Variants in PAN3 observed in about 807,000 individuals in gnomAD.
PAN3 encodes the protein poly(A) specific ribonuclease subunit PAN3, also known as PAN2-PAN3 deadenylation complex subunit PAN3.
Under a neutral mutation model 96.2 loss-of-function variants are expected in PAN3, and 19 were observed. That is an observed-to-expected ratio of 0.20 (90% confidence interval 0.14 to 0.29). The LOEUF is 0.29. PAN3 is among the 10% of genes least tolerant of loss of function. The pLI, the probability that PAN3 is intolerant of heterozygous loss-of-function variation, is 1.00. For synonymous variants in PAN3, 433 were observed against 406.6 expected (o/e 1.06, Z -0.78); for missense variants, 882 against 1,108.1 (o/e 0.80, Z 2.90).
intron 17 of PAN3, among the ~76,000 whole-genome samples, chr13:28,284,501 A>C (rs577470334): frequency 4.0e-5 from 6 of 150,572 alleles, no homozygotes; most frequent in African/African-American, 1.2e-4. Flanking sequence ...GCCTCTTTCT[A>C]CTCCAAGATT....
At chr13:28,220,704 A>G (rs1282429974) in intron 6 of PAN3, among the ~76,000 whole-genome samples, 2 of 152,162 alleles carry the variant, frequency 1.3e-5, no homozygotes, top group Non-Finnish European at 2.9e-5. Flanking sequence ...CAAACTTACA[A>G]AGGCATCAGA....
At chr13:28,231,243 TTAA>T (rs1200407554) in intron 6 of PAN3, among the ~76,000 whole-genome samples, 2 of 152,000 alleles carry the variant, frequency 1.3e-5, no homozygotes, top group Admixed American at 1.3e-4. Flanking sequence ...ATTTGTTAAA[TTAA>T]TTAATGACAG....
intron 6 of PAN3, among the ~76,000 whole-genome samples, chr13:28,254,379 T>G (rs542154539): frequency 6.6e-6 from 1 of 152,356 alleles, no homozygotes; most frequent in South Asian, 2.1e-4. Flanking sequence ...CTTAGATTAG[T>G]GCCTGAAACA....
intron 9 of PAN3, among the ~76,000 whole-genome samples, chr13:28,261,900 T>C (rs150974107): frequency 6.6e-6 from 1 of 151,740 alleles, no homozygotes; most frequent in Admixed American, 6.6e-5. Context: ...CTGTTAATTC[T>C]ACATATGACA....
chr13:28,174,432 A>G (rs367996420), intron 2 of PAN3, 39 bp downstream of exon 2: 126 of 1,597,640 alleles, frequency 7.9e-5, no homozygotes, highest in Non-Finnish European at 1.5e-5. Context: ...TATGAAGTTT[A>G]TTCTAGGGCC....
At chr13:28,250,692 C>T (rs1033939506) in intron 6 of PAN3, among the ~76,000 whole-genome samples, 5 of 151,994 alleles carry the variant, frequency 3.3e-5, no homozygotes, top group Non-Finnish European at 5.9e-5. Flanking sequence ...TTTGTAGAGA[C>T]GGGGTTTCAC....
chr13:28,239,549 G>C (rs960402818), intron 6 of PAN3: 1 of 1,214,116 alleles, frequency 8.2e-7, no homozygotes, highest in Non-Finnish European at 1.1e-6. Context: ...AGCAGTAGCT[G>C]TTCTGATTTT....
At chr13:28,250,338 G>A (rs537957972) in intron 6 of PAN3, among the ~76,000 whole-genome samples, 15 of 152,066 alleles carry the variant, frequency 9.9e-5, no homozygotes, top group East Asian at 1.9e-4. Flanking sequence ...TGGGACTACA[G>A]GTGCATACCA....
intron 5 of PAN3, among the ~76,000 whole-genome samples, chr13:28,216,653 A>G (rs1880804321): frequency 6.6e-6 from 1 of 152,148 alleles, no homozygotes; most frequent in African/African-American, 2.4e-5. Flanking sequence ...ATGTGATTAA[A>G]ATAACCCTGA....
At chr13:28,229,119 G>A (rs914852150) in intron 6 of PAN3, among the ~76,000 whole-genome samples, 3 of 152,100 alleles carry the variant, frequency 2.0e-5, no homozygotes, top group African/African-American at 7.2e-5. Context: ...ACTAAAATCT[G>A]GACTTAAACT....
chr13:28,270,015 C>G (rs1419395335), intron 12 of PAN3, among the ~76,000 whole-genome samples: 1 of 152,064 alleles, frequency 6.6e-6, no homozygotes, highest in Non-Finnish European at 1.5e-5. Context: ...ATCATTTGAG[C>G]CCAGGAGTTG....
chr13:28,248,697 A>G (rs1392300544), intron 6 of PAN3, among the ~76,000 whole-genome samples: 1 of 151,890 alleles, frequency 6.6e-6, no homozygotes, highest in Admixed American at 6.6e-5. Flanking sequence ...AATTTTTTGA[A>G]TTTTTAGTAG....
intron 1 of PAN3, among the ~76,000 whole-genome samples, chr13:28,153,270 T>C (rs1871634751): frequency 7.4e-6 from 1 of 134,668 alleles, no homozygotes; most frequent in Non-Finnish European, 1.5e-5. Context: ...CGAGTCTCGC[T>C]CTGTTGCCAG....
chr13:28,257,701 A>ATATATAATTAATATATAT (rs1555289958), intron 7 of PAN3, among the ~76,000 whole-genome samples: 1 of 138,716 alleles, frequency 7.2e-6, no homozygotes, highest in African/African-American at 2.7e-5. Flanking sequence ...AATATATATT[A>ATATATAATTAATATATAT]TATATATTAT....
intron 1 of PAN3, among the ~76,000 whole-genome samples, chr13:28,145,620 C>T (rs1462507608): frequency 6.6e-6 from 1 of 151,928 alleles, no homozygotes; most frequent in Non-Finnish European, 1.5e-5. Context: ...ACCCACTGTG[C>T]CTAGCCTAAT....
At position 28,267,538 on chromosome 13, in the gene PAN3, T is replaced by G. The variant is rs1180104536; in HGVS notation, c.1792+137T>G. 3 of 711,170 alleles carry G rather than the reference T, an allele frequency of 4.2e-6. No homozygotes were observed. In the East Asian group the frequency reaches 8.3e-5, roughly 20 times the overall value. The allele number at this position is 711,170 out of a possible 1,614,324, so 44.1% of individuals were successfully genotyped here. A position where few individuals can be genotyped will look rare whatever the true frequency, so the allele number is the denominator to read the frequency against. Reference sequence around the variant, plus strand: ...AGACTCTATTACATTTTGTACTAGTTGTTTTCATGTTCCTGATAAAGACAT... The same window carrying G: ...AGACTCTATTACATTTTGTACTAGTGGTTTTCATGTTCCTGATAAAGACAT... On this transcript the variant is annotated intron_variant, in intron 12 of 18. Transcript: ENST00000380958.
intron 5 of PAN3, among the ~76,000 whole-genome samples, chr13:28,202,062 TC>T (rs954671739): frequency 1.6e-3 from 242 of 151,932 alleles, no homozygotes; most frequent in African/African-American, 5.7e-3. Context: ...ATTTTTTTTT[TC>T]CCCCCTGGAT....
chr13:28,232,069 A>AT (rs1882627352), intron 6 of PAN3, among the ~76,000 whole-genome samples: 1 of 152,184 alleles, frequency 6.6e-6, no homozygotes, highest in Admixed American at 6.5e-5. Context: ...TTTCCTTTAT[A>AT]TTTACCCAAA....
intron 17 of PAN3, among the ~76,000 whole-genome samples, chr13:28,281,695 T>G (rs552077777): frequency 1.3e-5 from 2 of 152,278 alleles, no homozygotes; most frequent in South Asian, 4.1e-4. Flanking sequence ...TCATGTAAGT[T>G]TACCCTGGTC....
Sources: allele counts gnomAD v4.1 joint callset (sites outside exome capture counted in the v4.1 genomes callset), GRCh38; gene constraint gnomAD v4.1.1; transcripts MANE v1.5; gene names NCBI Gene and HGNC (gene_info 2026-07-23, HGNC 2026-07-21).